The following TMCC2 variants were observed in gnomAD, a reference collection of about 807,000 sequenced individuals.
TMCC2 encodes transmembrane and coiled-coil domain family 2.
Under a neutral mutation model 49.4 loss-of-function variants are expected in TMCC2, and 16 were observed. That is an observed-to-expected ratio of 0.32 (90% confidence interval 0.22 to 0.49). TMCC2 has a LOEUF of 0.49. Among genes scored for constraint, TMCC2 ranks in the 20% least tolerant of loss-of-function variants. The pLI is 0.99. For missense variants in TMCC2, 762 were observed against 989.8 expected, an observed-to-expected ratio of 0.77 and a Z score of 3.09; for synonymous variants, 397 against 434.1, an observed-to-expected ratio of 0.91 and a Z score of 1.06.
At chr1:205,258,391 C>A (rs1003055571) in intron 2 of TMCC2, among the ~76,000 whole-genome samples, 1 of 152,118 alleles carries the variant, frequency 6.6e-6, no homozygotes, top group Non-Finnish European at 1.5e-5. Flanking sequence ...TGACTCAGGT[C>A]CATACTGCCC....
At chr1:205,270,910 A>G (rs763239662) in intron 3 of TMCC2, among the ~76,000 whole-genome samples, 2 of 152,226 alleles carry the variant, frequency 1.3e-5, no homozygotes, top group Non-Finnish European at 2.9e-5. Context: ...GAGGTCATGT[A>G]GGTAAAATGC....
Position 205,228,671 on chromosome 1 carries a change from G to T in TMCC2, c.107G>T (p.Gly36Val), listed in dbSNP as rs771360297. 2 of 1,613,016 alleles carry T rather than the reference G, an allele frequency of 1.2e-6. No individual in the cohort carries two copies. The highest frequency in any genetic ancestry group is 1.7e-6 in the Non-Finnish European group (2 of 1,179,896). Residue 36 changes from glycine (G) to valine (V), a missense_variant, in exon 1 of 5, where the codon GGG becomes GTG. Transcript: ENST00000358024. ...SHLPGADLRP[G>V]ETTGANSAGG... ...CTGCCGGGCGCGGACCTCCGGCCTG[G>T]GGAGACCACGGGTGCTAACTCTGCT...
chr1:205,239,736 A>G (rs1660193766), intron 1 of TMCC2, among the ~76,000 whole-genome samples: 1 of 152,204 alleles, frequency 6.6e-6, no homozygotes. Flanking sequence ...GGCCTCATCT[A>G]CTTTAAGGAT....
chr1:205,229,614 G>C, intron 1 of TMCC2: 1 of 983,690 alleles, frequency 1.0e-6, no homozygotes, highest in South Asian at 4.7e-5. Context: ...GGAGCCAGAG[G>C]TTAAGATAGT....
intron 2 of TMCC2, among the ~76,000 whole-genome samples, chr1:205,256,945 C>T (rs920197551): frequency 1.3e-5 from 2 of 152,106 alleles, no homozygotes; most frequent in African/African-American, 2.4e-5. Context: ...TCCTCGTGCA[C>T]ATCCCTTTCA....
chr1:205,227,971 C>T lies in TMCC2; in HGVS notation c.-594C>T, dbSNP rs1279172704. Among the ~76,000 whole-genome samples the T allele has an allele frequency of 6.6e-6, 1 of 150,548 alleles. No homozygotes were observed. Among genetic ancestry groups the T allele is most frequent in the East Asian group, 1.9e-4 (1 of 5,160 alleles). On this transcript the variant is annotated 5_prime_UTR_variant, in exon 1 of 5. Transcript: ENST00000358024. ...GCGCGCTCGCCGCGGGCTCGGGCCG[C>T]GGTCGCGGCTTTGCGGCAGGCTGCG...
At chr1:205,253,562 C>CT (rs1197768598) in intron 2 of TMCC2, among the ~76,000 whole-genome samples, 3 of 152,260 alleles carry the variant, frequency 2.0e-5, no homozygotes, top group African/African-American at 7.2e-5. Flanking sequence ...GCCTCCATCT[C>CT]TGCCAGGCCA....
intron 2 of TMCC2, among the ~76,000 whole-genome samples, chr1:205,249,097 A>T (rs1266116756): frequency 6.6e-6 from 1 of 152,180 alleles, no homozygotes; most frequent in Non-Finnish European, 1.5e-5. Context: ...GAGAGGGCCA[A>T]GATCTCCCCA....
intron 1 of TMCC2, among the ~76,000 whole-genome samples, chr1:205,239,644 T>A (rs2102539654): frequency 6.6e-6 from 1 of 152,294 alleles, no homozygotes; most frequent in South Asian, 2.1e-4. Flanking sequence ...AGGATACAAA[T>A]CTCCTTTGAA....
Position 205,273,132 on chromosome 1 carries a change from A to T in TMCC2, c.*1008A>T, listed in dbSNP as rs1661664105. 6.6e-6 allele frequency: 1 copy of T among 152,224 alleles called. No individual in the cohort carries two copies. Among genetic ancestry groups the T allele is most frequent in the South Asian group, 2.1e-4 (1 of 4,824 alleles). 9.4% of individuals were successfully genotyped at this position (152,224 alleles called of 1,614,324 possible). A position where few individuals can be genotyped will look rare whatever the true frequency, so the allele number is the denominator to read the frequency against. On this transcript the variant is annotated 3_prime_UTR_variant, in exon 5 of 5. Transcript: ENST00000358024. ...ATCCGTCTATTTATTTTGTAAGTGT[A>T]TTCGTGTGGAGGAGGTTGTTGCTTT...
chr1:205,248,871 G>A (rs1660558705), intron 2 of TMCC2, among the ~76,000 whole-genome samples: 1 of 152,194 alleles, frequency 6.6e-6, no homozygotes, highest in African/African-American at 2.4e-5. Context: ...TGTGCATGGA[G>A]TGTCAGGAAG....
At chr1:205,270,451 C>G (rs1253606237) in intron 3 of TMCC2, among the ~76,000 whole-genome samples, 1 of 152,228 alleles carries the variant, frequency 6.6e-6, no homozygotes, top group African/African-American at 2.4e-5. Context: ...GCCTCTCCTT[C>G]TGTGTCTCCC....
intron 1 of TMCC2, 46 bp downstream of exon 1, chr1:205,228,817 T>C: frequency 6.5e-7 from 1 of 1,541,856 alleles, no homozygotes; most frequent in Non-Finnish European, 8.8e-7. Flanking sequence ...GCGACTTAGC[T>C]CTCGCCACCC....
intron 2 of TMCC2, among the ~76,000 whole-genome samples, chr1:205,260,101 G>A (rs1030267709): frequency 1.3e-5 from 2 of 152,210 alleles, no homozygotes; most frequent in Non-Finnish European, 2.9e-5. Flanking sequence ...TCCCTCCACG[G>A]TTCTCCTCTT....
chr1:205,231,952 T>C (rs1321293313), intron 1 of TMCC2, among the ~76,000 whole-genome samples: 1 of 152,110 alleles, frequency 6.6e-6, no homozygotes, highest in Non-Finnish European at 1.5e-5. Flanking sequence ...ATAATAATAA[T>C]AATAATAAAG....
At chr1:205,256,965 G>GC (rs1660895708) in intron 2 of TMCC2, among the ~76,000 whole-genome samples, 1 of 144,092 alleles carries the variant, frequency 6.9e-6, no homozygotes, top group Non-Finnish European at 1.5e-5. Flanking sequence ...AACCCCCTTT[G>GC]CCCCCCACCC....
At position 205,250,589 on chromosome 1, in the gene TMCC2, G is replaced by A. The variant is rs150644636; in HGVS notation, c.747+8545G>A. On this transcript the variant is annotated intron_variant, in intron 2 of 4. Coordinates refer to ENST00000358024, the MANE Select transcript of TMCC2 (RefSeq NM_014858.4). ...ATCCAGTATTCTCCAGATTAGCTCTGGCATCTGGGAGTACAGAAATCACCA... is the reference window on the plus strand; with the variant it reads ...ATCCAGTATTCTCCAGATTAGCTCTAGCATCTGGGAGTACAGAAATCACCA... Among the ~76,000 whole-genome samples, 6 of 152,266 alleles carry A rather than the reference G, an allele frequency of 3.9e-5. No homozygotes were observed. The East Asian group carries it at 1.2e-3, about 29-fold the overall frequency.
At chr1:205,256,235 A>G in intron 2 of TMCC2, 1 of 1,509,072 alleles carries the variant, frequency 6.6e-7, no homozygotes, top group Non-Finnish European at 8.9e-7. Context: ...TCTGAACGAC[A>G]GTTCTGCTGT....
intron 1 of TMCC2, among the ~76,000 whole-genome samples, chr1:205,232,934 CAAAAAAAAAAAAAA>C (rs35561522): frequency 2.2e-5 from 1 of 45,598 alleles, no homozygotes. Flanking sequence ...GACCCTATCT[CAAAAAAAAAAAAAA>C]AAAAAAAAAA....
Sources: gnomAD v4.1 joint callset for allele counts (sites outside exome capture counted in the v4.1 genomes callset) on GRCh38, gnomAD v4.1.1 for gene constraint, MANE v1.5 for transcripts, NCBI Gene and HGNC (gene_info 2026-07-23, HGNC 2026-07-21) for gene names.